WDFY2: variants seen among roughly 807,000 people sequenced by gnomAD.
WDFY2 encodes WD repeat and FYVE domain-containing protein 2.
WDFY2 carries 36 observed loss-of-function variants against 56.4 expected under a neutral mutation model. That is an observed-to-expected ratio of 0.64 (90% CI 0.49 to 0.84). The LOEUF (loss-of-function observed/expected upper bound fraction) is 0.84, where lower values mean the gene tolerates loss of function less well. Among genes scored for constraint, WDFY2 ranks in the 40% least tolerant of loss-of-function variants. The probability of loss-of-function intolerance (pLI) is 0.00; values close to 1 mark genes in which losing one functional copy is unlikely to be tolerated. For missense variants in WDFY2, 444 were observed against 512.2 expected, an observed-to-expected ratio of 0.87 and a Z score of 1.29; for synonymous variants, 176 against 183.7, an observed-to-expected ratio of 0.96 and a Z score of 0.34.
chr13:51,614,101 G>A (rs531502056), intron 1 of WDFY2, among the ~76,000 whole-genome samples: 1 of 149,906 alleles, frequency 6.7e-6, no homozygotes, highest in African/African-American at 2.5e-5. Context: ...CAGGAGAATC[G>A]CTTGAACCTG....
rs138868476 is a variant in WDFY2 at position 51,612,393 on chromosome 13, C to G, written c.137+27569C>G. ...ACTGCTTTGGAATTCTTACTGATATCTTGTTACCAACTTTTCTTAACTTGG... is the reference window on the plus strand; with the variant it reads ...ACTGCTTTGGAATTCTTACTGATATGTTGTTACCAACTTTTCTTAACTTGG... On this transcript the variant is annotated intron_variant, in intron 1 of 11. Transcript: ENST00000298125. Among the ~76,000 whole-genome samples the G allele has an allele frequency of 1.2e-3, 189 of 152,278 alleles. 1 individual carries two copies. The highest frequency in any genetic ancestry group is 4.5e-3 in the African/African-American group (185 of 41,572).
chr13:51,608,695 A>AAAGAAG (rs1364386813), intron 1 of WDFY2, among the ~76,000 whole-genome samples: 41 of 152,290 alleles, frequency 2.7e-4, no homozygotes, highest in African/African-American at 9.4e-4. Flanking sequence ...AGAAAAAGAA[A>AAAGAAG]AAGAAACAAT....
chr13:51,751,009 A>G (rs1011174249), intron 7 of WDFY2, among the ~76,000 whole-genome samples: 1 of 152,212 alleles, frequency 6.6e-6, no homozygotes, highest in Non-Finnish European at 1.5e-5. Context: ...TTAAGGAAGG[A>G]GGGAACCAGT....
At chr13:51,644,005 A>G (rs546713919) in intron 1 of WDFY2, among the ~76,000 whole-genome samples, 1 of 152,306 alleles carries the variant, frequency 6.6e-6, no homozygotes, top group East Asian at 1.9e-4. Flanking sequence ...ATGTGTCCTA[A>G]CATAGGCCTG....
chr13:51,607,304 G>C (rs1446170997), intron 1 of WDFY2, among the ~76,000 whole-genome samples: 1 of 152,172 alleles, frequency 6.6e-6, no homozygotes, highest in East Asian at 1.9e-4. Context: ...GACTTGCTTG[G>C]ATGTGTTCAC....
At position 51,765,086 on chromosome 13, in the gene WDFY2, T is replaced by C. The variant is rs1213267393; in HGVS notation, c.*5317T>C. The C allele has an allele frequency of 6.6e-6, 1 of 152,108 alleles. No individual in the cohort carries two copies. The highest frequency in any genetic ancestry group is 2.4e-5 in the African/African-American group (1 of 41,394). 9.4% of individuals were successfully genotyped at this position (152,108 alleles called of 1,614,324 possible). ...ACTTGCAACAGGAAGGCAGAGAGTTTCGTCAATTCAGGTACAGGTCTGTCT... is the reference window on the plus strand; with the variant it reads ...ACTTGCAACAGGAAGGCAGAGAGTTCCGTCAATTCAGGTACAGGTCTGTCT... On this transcript the variant is annotated 3_prime_UTR_variant, in exon 12 of 12. Coordinates refer to ENST00000298125, the MANE Select transcript of WDFY2 (RefSeq NM_052950.4).
intron 2 of WDFY2, among the ~76,000 whole-genome samples, chr13:51,670,701 T>C (rs1264984423): frequency 6.6e-6 from 1 of 152,158 alleles, no homozygotes; most frequent in Non-Finnish European, 1.5e-5. Flanking sequence ...CAGATTTCTT[T>C]TGTTTATGCT....
intron 4 of WDFY2, among the ~76,000 whole-genome samples, chr13:51,707,356 G>C (rs572429876): frequency 2.0e-5 from 3 of 152,036 alleles, no homozygotes; most frequent in Non-Finnish European, 4.4e-5. Flanking sequence ...ATGAGGTTTT[G>C]CCATGTTGCC....
At chr13:51,729,038 C>T (rs1470698628) in intron 6 of WDFY2, among the ~76,000 whole-genome samples, 1 of 152,214 alleles carries the variant, frequency 6.6e-6, no homozygotes, top group East Asian at 1.9e-4. Context: ...AGCGTCTCTT[C>T]CCCTGCATCA....
chr13:51,718,095 A>G (rs1261412957), intron 4 of WDFY2, among the ~76,000 whole-genome samples: 1 of 152,214 alleles, frequency 6.6e-6, no homozygotes, highest in Non-Finnish European at 1.5e-5. Flanking sequence ...GCAGAGCCGC[A>G]TTTGTCCATC....
At chr13:51,728,069 CAT>C (rs1335611925) in intron 6 of WDFY2, among the ~76,000 whole-genome samples, 2 of 152,208 alleles carry the variant, frequency 1.3e-5, no homozygotes, top group Non-Finnish European at 2.9e-5. Context: ...TGTTGGCATA[CAT>C]TAATGAGGCA....
chr13:51,591,253 A>G (rs1357680666), intron 1 of WDFY2: 1 of 152,212 alleles, frequency 6.6e-6, no homozygotes, highest in Non-Finnish European at 1.5e-5. Flanking sequence ...CTTGTGTGAA[A>G]CTGTCAGCAC....
intron 3 of WDFY2, among the ~76,000 whole-genome samples, chr13:51,693,476 C>T (rs1951791643): frequency 1.3e-5 from 2 of 152,004 alleles, no homozygotes; most frequent in South Asian, 4.1e-4. Flanking sequence ...GTTCAGTTTC[C>T]ATGTAGTTGA....
At chr13:51,753,945 T>G (rs1008803140) in intron 8 of WDFY2, among the ~76,000 whole-genome samples, 3 of 151,472 alleles carry the variant, frequency 2.0e-5, no homozygotes, top group Non-Finnish European at 2.9e-5. Context: ...AAAAAAAAAT[T>G]AGCCAGGCAT....
At chr13:51,674,523 A>G (rs1955855468) in intron 2 of WDFY2, among the ~76,000 whole-genome samples, 1 of 152,068 alleles carries the variant, frequency 6.6e-6, no homozygotes, top group Non-Finnish European at 1.5e-5. Flanking sequence ...GGGTGTACTG[A>G]CTTACCTGGT....
At chr13:51,735,312 G>T (rs900201589) in intron 6 of WDFY2, among the ~76,000 whole-genome samples, 4 of 152,206 alleles carry the variant, frequency 2.6e-5, no homozygotes, top group Admixed American at 2.6e-4. Context: ...TGTGTGCTGT[G>T]CTGGAATACA....
chr13:51,594,411 C>T (rs945652917), intron 1 of WDFY2, among the ~76,000 whole-genome samples: 1 of 152,156 alleles, frequency 6.6e-6, no homozygotes, highest in Non-Finnish European at 1.5e-5. Context: ...CTAAAACTTG[C>T]TGTTAATTAT....
At chr13:51,612,225 C>T (rs967708004) in intron 1 of WDFY2, among the ~76,000 whole-genome samples, 5 of 152,082 alleles carry the variant, frequency 3.3e-5, no homozygotes, top group African/African-American at 1.2e-4. Context: ...TAGTCTATGG[C>T]CTGCTCCACT....
At chr13:51,691,313 G>A (rs1364264396) in intron 3 of WDFY2, among the ~76,000 whole-genome samples, 1 of 151,284 alleles carries the variant, frequency 6.6e-6, no homozygotes, top group Non-Finnish European at 1.5e-5. Flanking sequence ...TTTCTTCTAG[G>A]GTTTTTATGG....
Sources: gnomAD v4.1 joint callset for allele counts (sites outside exome capture counted in the v4.1 genomes callset) on GRCh38, gnomAD v4.1.1 for gene constraint, MANE v1.5 for transcripts, NCBI Gene and HGNC (gene_info 2026-07-23, HGNC 2026-07-21) for gene names.